Variants in ZGRF1 observed in about 807,000 individuals in gnomAD.
The protein encoded by ZGRF1 is zinc finger GRF-type containing 1.
In ZGRF1, 196 loss-of-function variants were observed where a neutral mutation model predicts 203.5. That is an observed-to-expected ratio of 0.96 (90% CI 0.86 to 1.08). The LOEUF is 1.08. Ranked by LOEUF, ZGRF1 falls within the 50% of genes least tolerant of loss-of-function variation. The pLI, the probability that ZGRF1 is intolerant of heterozygous loss-of-function variation, is 0.00. For missense variants in ZGRF1, 2,326 were observed against 2,416.3 expected (o/e 0.96, Z 0.78); for synonymous variants, 809 against 841.3 (o/e 0.96, Z 0.66).
At chr4:112,578,168 G>T (rs1745563214) in intron 16 of ZGRF1, among the ~76,000 whole-genome samples, 1 of 122,852 alleles carries the variant, frequency 8.1e-6, no homozygotes, top group Non-Finnish European at 1.8e-5. Flanking sequence ...ACCTGCTCCT[G>T]AATGACTACT....
At chr4:112,554,216 C>G (rs1431821082) in intron 21 of ZGRF1, among the ~76,000 whole-genome samples, 1 of 120,044 alleles carries the variant, frequency 8.3e-6, no homozygotes, top group East Asian at 2.7e-4. Flanking sequence ...CCCCCACCCA[C>G]AACACGCCCC....
intron 4 of ZGRF1, among the ~76,000 whole-genome samples, chr4:112,620,614 C>T (rs1197768953): frequency 6.6e-6 from 1 of 152,034 alleles, no homozygotes; most frequent in Non-Finnish European, 1.5e-5. Flanking sequence ...AATCCCAGCA[C>T]TAAGGACACC....
intron 3 of ZGRF1, among the ~76,000 whole-genome samples, chr4:112,626,428 T>TTATA (rs1312659926): frequency 6.6e-6 from 1 of 152,202 alleles, no homozygotes; most frequent in Non-Finnish European, 1.5e-5. Flanking sequence ...CCAGTGAGGC[T>TTATA]TATATAATCC....
At chr4:112,558,509 C>A (rs769958110) in intron 19 of ZGRF1, among the ~76,000 whole-genome samples, 200 bp from the exon 20 acceptor site, 1 of 151,992 alleles carries the variant, frequency 6.6e-6, no homozygotes, top group Non-Finnish European at 1.5e-5. Context: ...CTGGGATTAC[C>A]GGCGTGCACC....
chr4:112,555,612 G>C (rs191325016), intron 20 of ZGRF1, among the ~76,000 whole-genome samples: 2 of 152,236 alleles, frequency 1.3e-5, no homozygotes, highest in Admixed American at 1.3e-4. Flanking sequence ...TCCAATGCAA[G>C]TTTGGTTAAA....
At chr4:112,543,049 TTTTA>T (rs1214485968) in intron 24 of ZGRF1, among the ~76,000 whole-genome samples, 5 of 152,216 alleles carry the variant, frequency 3.3e-5, no homozygotes, top group Non-Finnish European at 7.3e-5. Context: ...TAGTGATTAC[TTTTA>T]TTTCTTTTAC....
At chr4:112,625,358 G>A (rs2047200916) in intron 3 of ZGRF1, among the ~76,000 whole-genome samples, 1 of 150,444 alleles carries the variant, frequency 6.6e-6, no homozygotes, top group Admixed American at 6.6e-5. Flanking sequence ...AGGCCGAGGC[G>A]GCGGATCACG....
chr4:112,636,100 T>G (rs1445625140), intron 1 of ZGRF1, among the ~76,000 whole-genome samples: 2 of 152,220 alleles, frequency 1.3e-5, no homozygotes, highest in African/African-American at 4.8e-5. Context: ...CATATATATT[T>G]AAGTGAGATG....
intron 16 of ZGRF1, among the ~76,000 whole-genome samples, chr4:112,575,914 A>T (rs912602428): frequency 2.0e-5 from 3 of 152,222 alleles, no homozygotes; most frequent in Admixed American, 1.3e-4. Context: ...CCTGTCTGAC[A>T]GCTTTGAAGA....
At chr4:112,634,869 C>T (rs1043558159) in intron 1 of ZGRF1, among the ~76,000 whole-genome samples, 7 of 151,906 alleles carry the variant, frequency 4.6e-5, no homozygotes, top group African/African-American at 1.5e-4. Context: ...TGGTGACTCA[C>T]GCCTGTAATC....
Position 112,617,580 on chromosome 4 carries a change from C to G in ZGRF1, c.2462G>C (p.Gly821Ala), listed in dbSNP as rs201614532. ...TAAAATAGAAATGGTATTTACTAAT[C>G]CAGAAAGTTCTGAAGAATTTCTAGG... ...WNPRNSSELS[G>A]LVNTISILKS... Residue 821 changes from glycine (G) to alanine (A), a missense_variant, in exon 6 of 28, where the codon GGA (glycine) becomes GCA (alanine). Gly to Ala is a moderately conservative substitution (Grantham distance 60, BLOSUM62 0). Coordinates refer to ENST00000505019, the MANE Select transcript of ZGRF1 (RefSeq NM_018392.5). The G allele has an allele frequency of 1.4e-5, 23 of 1,613,848 alleles. No individual in the cohort carries two copies. Among genetic ancestry groups the G allele is most frequent in the Non-Finnish European group, 1.9e-5 (23 of 1,179,906 alleles).
chr4:112,616,786 G>A (rs1406805965), intron 6 of ZGRF1, among the ~76,000 whole-genome samples: 2 of 151,190 alleles, frequency 1.3e-5, no homozygotes, highest in African/African-American at 2.4e-5. Flanking sequence ...GCAGTGAGCC[G>A]AGATCGCGCC....
intron 10 of ZGRF1, among the ~76,000 whole-genome samples, chr4:112,591,642 C>A (rs1748178977): frequency 6.6e-6 from 1 of 152,144 alleles, no homozygotes; most frequent in Non-Finnish European, 1.5e-5. Context: ...TACACACCAG[C>A]CATCATTCTT....
intron 24 of ZGRF1, among the ~76,000 whole-genome samples, chr4:112,546,600 C>A (rs921413541): frequency 1.3e-5 from 2 of 152,160 alleles, no homozygotes; most frequent in African/African-American, 2.4e-5. Context: ...CTAATCCTCA[C>A]GGATTAATCC....
chr4:112,624,708 C>T (rs1464315459), intron 3 of ZGRF1, among the ~76,000 whole-genome samples: 3 of 151,952 alleles, frequency 2.0e-5, no homozygotes, highest in Admixed American at 6.6e-5. Flanking sequence ...TCTAGCTTTT[C>T]CCTTATGTCT....
intron 11 of ZGRF1, among the ~76,000 whole-genome samples, chr4:112,588,518 T>G (rs1467520818): frequency 1.3e-5 from 2 of 152,174 alleles, no homozygotes; most frequent in Non-Finnish European, 2.9e-5. Flanking sequence ...TTGATAAGAG[T>G]ATAATTCTGG....
At chr4:112,564,906 C>A (rs558146242) in intron 16 of ZGRF1, 1 of 672,548 alleles carries the variant, frequency 1.5e-6, no homozygotes, top group East Asian at 2.7e-5. Context: ...GCGCCGCCGT[C>A]GCTCTCCAAC....
intron 16 of ZGRF1, among the ~76,000 whole-genome samples, chr4:112,565,645 T>C (rs1320769450): frequency 6.6e-6 from 1 of 151,806 alleles, no homozygotes; most frequent in Non-Finnish European, 1.5e-5. Context: ...CCAACAAATT[T>C]ATAAGAAAAA....
At chr4:112,587,190 T>C (rs1747326924) in intron 12 of ZGRF1, 90 bp downstream of exon 12, 1 of 1,241,602 alleles carries the variant, frequency 8.1e-7, no homozygotes, top group Non-Finnish European at 1.1e-6. Flanking sequence ...TCCAAATTGC[T>C]CCTATGCAGT....
Sources: gnomAD v4.1 joint callset for allele counts (sites outside exome capture counted in the v4.1 genomes callset) on GRCh38, gnomAD v4.1.1 for gene constraint, MANE v1.5 for transcripts, NCBI Gene and HGNC (gene_info 2026-07-23, HGNC 2026-07-21) for gene names.